Variants in RERE observed in about 807,000 individuals in gnomAD.
RERE encodes the protein arginine-glutamic acid dipeptide repeats protein.
A neutral mutation model predicts 146.1 loss-of-function variants in RERE; 40 were observed. The observed-to-expected ratio is 0.27, with a 90% CI of 0.21 to 0.36. The LOEUF is 0.36. Among genes scored for constraint, RERE ranks in the 10% least tolerant of loss-of-function variants. RERE has a pLI of 1.00. For missense variants in RERE, 1,933 were observed against 2,138.7 expected, an observed-to-expected ratio of 0.90 and a Z score of 1.90; for synonymous variants, 1,003 against 866.0, an observed-to-expected ratio of 1.16 and a Z score of -2.78.
intron 7 of RERE, among the ~76,000 whole-genome samples, chr1:8,519,416 G>C (rs1645462316): frequency 6.6e-6 from 1 of 152,148 alleles, no homozygotes; most frequent in African/African-American, 2.4e-5. Context: ...CTGGGCAACA[G>C]AGCAAGACCC....
At chr1:8,649,760 T>C (rs1249766301) in intron 2 of RERE, among the ~76,000 whole-genome samples, 1 of 151,710 alleles carries the variant, frequency 6.6e-6, no homozygotes, top group Non-Finnish European at 1.5e-5. Context: ...ATATATATTA[T>C]GGAATACACA....
At position 8,817,236 on chromosome 1, in the gene RERE, G is replaced by C. The variant is rs1418572750; in HGVS notation, c.-221C>G. 5.2e-5 allele frequency: 8 copies of C among 152,572 alleles called. No homozygotes were observed. The highest frequency in any genetic ancestry group is 8.8e-5 in the Non-Finnish European group (6 of 68,378). The allele number at this position is 152,572 out of a possible 1,614,324, so 9.5% of individuals were successfully genotyped here. A position where few individuals can be genotyped will look rare whatever the true frequency, so the allele number is the denominator to read the frequency against. On this transcript the variant is annotated 5_prime_UTR_variant, in exon 1 of 23. Coordinates refer to ENST00000400908, the MANE Select transcript of RERE (RefSeq NM_001042681.2). ...CGGGGAAAGTGGCGGGGATGGGGCG[G>C]GAGGCCGCGCGGAGGCTGCGGGGCC...
rs34269918 is a variant in RERE, at chr1:8,364,924, GA to G, written c.1448-87del. 0.37 allele frequency: 185,101 copies of G among 503,622 alleles called. 67,349 individuals are homozygous for G. The highest frequency in any genetic ancestry group is 0.61 in the African/African-American group (29,466 of 48,426). 31.2% of individuals were successfully genotyped at this position (503,622 alleles called of 1,614,324 possible). Reference sequence around the variant, plus strand: ...GGCCGGTGGGGTGGGGGGGAGGGGGGAACACCTGTGACCTCTGGCCTACTGC... The same window carrying G: ...GGCCGGTGGGGTGGGGGGGAGGGGGGACACCTGTGACCTCTGGCCTACTGC... On this transcript the variant is annotated intron_variant, in intron 13 of 22. Transcript: ENST00000400908. The surrounding 1 kb of genome is among the most constrained non-coding windows in gnomAD (Gnocchi z 5.1).
chr1:8,422,617 G>GCAGAC, intron 12 of RERE, 110 bp downstream of exon 12: 2 of 781,802 alleles, frequency 2.6e-6, no homozygotes, highest in Non-Finnish European at 4.4e-6. Flanking sequence ...GCCAGCCCGA[G>GCAGAC]TCTGAGCACA....
At chr1:8,512,044 T>TTTTA (rs1645346806) in intron 7 of RERE, 1 of 122,748 alleles carries the variant, frequency 8.1e-6, no homozygotes, top group African/African-American at 3.5e-5. Context: ...TTTTTTTTTT[T>TTTTA]GAGACGGAGT....
intron 10 of RERE, among the ~76,000 whole-genome samples, chr1:8,470,813 C>CTTTTTTTTTTT (rs71580028): frequency 6.7e-5 from 5 of 74,566 alleles, no homozygotes; most frequent in East Asian, 4.5e-4. Context: ...AAAGAAATAC[C>CTTTTTTTTTTT]TTTTTTTTTT....
At chr1:8,628,916 C>T (rs867399692) in intron 2 of RERE, among the ~76,000 whole-genome samples, 5 of 152,144 alleles carry the variant, frequency 3.3e-5, no homozygotes, top group South Asian at 2.1e-4. Context: ...AAATCTCCCA[C>T]GGCCCCCAAG....
intron 1 of RERE, among the ~76,000 whole-genome samples, chr1:8,762,843 A>C (rs1411122917): frequency 1.3e-5 from 2 of 152,156 alleles, no homozygotes; most frequent in Non-Finnish European, 2.9e-5. Flanking sequence ...GAGAAACTAC[A>C]CCACATAAAT....
At chr1:8,675,437 T>A (rs554358961) in intron 1 of RERE, among the ~76,000 whole-genome samples, 7 of 146,376 alleles carry the variant, frequency 4.8e-5, no homozygotes, top group African/African-American at 1.8e-4. Context: ...AGTTGGCAGA[T>A]TGCTTAAGCC....
chr1:8,420,106 A>G (rs191607064), intron 12 of RERE, among the ~76,000 whole-genome samples: 38 of 152,348 alleles, frequency 2.5e-4, no homozygotes, highest in Admixed American at 9.8e-4. Context: ...TTGGATGCTG[A>G]CACCCTTCTC....
intron 2 of RERE, among the ~76,000 whole-genome samples, chr1:8,625,218 C>T (rs879683189): frequency 1.1e-4 from 16 of 152,064 alleles, no homozygotes; most frequent in Non-Finnish European, 2.2e-4. Flanking sequence ...CTCAGCCACC[C>T]GAAGTGTCAG....
At chr1:8,746,223 A>C (rs892764689) in intron 1 of RERE, among the ~76,000 whole-genome samples, 2 of 152,212 alleles carry the variant, frequency 1.3e-5, no homozygotes, top group Non-Finnish European at 2.9e-5. Flanking sequence ...GATTGTATCT[A>C]TGTTAACGTA....
At chr1:8,640,936 A>G (rs6577512) in intron 2 of RERE, among the ~76,000 whole-genome samples, 2,314 of 152,346 alleles carry the variant, frequency 0.015, 61 homozygotes, top group African/African-American at 0.053. Context: ...ATTCATGCAC[A>G]GCCATCTATT....
chr1:8,575,193 G>T (rs999621966), intron 4 of RERE, among the ~76,000 whole-genome samples: 25 of 152,060 alleles, frequency 1.6e-4, no homozygotes, highest in Non-Finnish European at 3.5e-4. Context: ...AGTTCTGCTA[G>T]AACAACTTGA....
chr1:8,438,922 C>T (rs1167539987), intron 11 of RERE, among the ~76,000 whole-genome samples: 9 of 152,158 alleles, frequency 5.9e-5, no homozygotes, highest in African/African-American at 2.2e-4. Flanking sequence ...TTCTCCCTCT[C>T]TCTCTCTTTT....
chr1:8,688,371 G>C (rs1639135991), intron 1 of RERE, among the ~76,000 whole-genome samples: 1 of 152,082 alleles, frequency 6.6e-6, no homozygotes, highest in Non-Finnish European at 1.5e-5. Flanking sequence ...AGACCAGCCT[G>C]GGTAACATGG....
chr1:8,650,761 GT>G (rs1367029658), intron 2 of RERE, among the ~76,000 whole-genome samples: 2 of 152,080 alleles, frequency 1.3e-5, no homozygotes, highest in Non-Finnish European at 2.9e-5. Flanking sequence ...GCTGGGCATG[GT>G]GGCACGCGCC....
In RERE at chr1:8,614,547, G is replaced by A. The variant is rs377172115; in HGVS notation, c.522+14C>T. 3.1e-6 allele frequency: 5 copies of A among 1,601,388 alleles called. No individual in the cohort carries two copies. The highest frequency in any genetic ancestry group is 1.1e-5 in the South Asian group (1 of 89,226). On this transcript the variant is annotated intron_variant, in intron 4 of 22. Transcript: ENST00000400908. The stretch of plus-strand genomic sequence containing the variant: ...TAAAATACTGATAGCTTTTAAAAAC[G>A]GGATTCTCCTTACCCCTACAGGCCC...
At chr1:8,417,645 C>T (rs567930229) in intron 12 of RERE, among the ~76,000 whole-genome samples, 15 of 152,140 alleles carry the variant, frequency 9.9e-5, no homozygotes, top group Non-Finnish European at 1.9e-4. Flanking sequence ...CCTCTTTGGT[C>T]CCATCCTATA....
Sources: allele counts gnomAD v4.1 joint callset (sites outside exome capture counted in the v4.1 genomes callset), GRCh38; gene constraint gnomAD v4.1.1; non-coding constraint Gnocchi (gnomAD v3.1); transcripts MANE v1.5; gene names NCBI Gene and HGNC (gene_info 2026-07-23, HGNC 2026-07-21).